Variants in RSPH14 observed in about 807,000 individuals in gnomAD.
RSPH14 encodes the protein rhabdoid tumor deletion region gene 1.
A neutral mutation model predicts 26.7 loss-of-function variants in RSPH14; 20 were observed. The ratio of observed to expected loss-of-function variants is 0.75; its 90% confidence interval spans 0.53 to 1.09. The LOEUF is 1.09. Ranked by LOEUF, RSPH14 falls within the 50% of genes least tolerant of loss-of-function variation. The pLI is 0.00. For synonymous variants in RSPH14, 177 were observed against 189.3 expected (o/e 0.93, Z 0.53); for missense variants, 449 against 457.2 (o/e 0.98, Z 0.16).
the RSPH14 span, chr22:23,153,686 T>TTA: frequency 1.7e-6 from 1 of 589,256 alleles, no homozygotes; most frequent in Non-Finnish European, 2.1e-6. Context: ...TTCCTTCCAC[T>TTA]TCTGTCTTTT....
the RSPH14 span, chr22:23,180,594 G>GGCGGCA: frequency 8.3e-6 from 1 of 120,026 alleles, no homozygotes; most frequent in Non-Finnish European, 1.5e-5. Context: ...GCGGCGGCAC[G>GGCGGCA]GCGGCGGCGG....
In RSPH14 at chr22:23,104,218, C is replaced by T. The variant is rs533339112; in HGVS notation, c.421+29808G>A. Among the ~76,000 whole-genome samples the T allele has an allele frequency of 3.9e-5, 6 of 152,238 alleles. No homozygotes were observed. The South Asian group carries it at 6.2e-4, about 16-fold the overall frequency. ...TGCAGCGGGATGACGGAGGACCAGG[C>T]GGTGTAAGGTCTAAGCAGGCAGGGC... On this transcript the variant is annotated intron_variant, in intron 4 of 6. Coordinates refer to ENST00000216036, the MANE Select transcript of RSPH14 (RefSeq NM_014433.3).
At chr22:23,099,406 C>G (rs1163683741) in intron 4 of RSPH14, among the ~76,000 whole-genome samples, 2 of 152,260 alleles carry the variant, frequency 1.3e-5, no homozygotes, top group African/African-American at 4.8e-5. Context: ...GTGTGTCAGG[C>G]ACCCCAGTGC....
chr22:23,064,929 G>A (rs970004840), intron 4 of RSPH14, among the ~76,000 whole-genome samples: 3 of 152,254 alleles, frequency 2.0e-5, no homozygotes, highest in East Asian at 3.9e-4. Flanking sequence ...AGCCCAGGAC[G>A]GTGGGCAGAA....
intron 4 of RSPH14, among the ~76,000 whole-genome samples, chr22:23,085,291 T>C (rs1185260432): frequency 1.3e-5 from 2 of 152,192 alleles, no homozygotes; most frequent in Non-Finnish European, 2.9e-5. Context: ...CCTTATGTGC[T>C]CACCATCTCC....
At chr22:23,152,651 C>T in the RSPH14 span, 2 of 922,042 alleles carry the variant, frequency 2.2e-6, no homozygotes, top group Non-Finnish European at 3.4e-6. Context: ...TGCTGTGCCT[C>T]AGCCTGCTGG....
chr22:23,140,769 C>A (rs1255838482), intron 1 of RSPH14, among the ~76,000 whole-genome samples: 3 of 152,198 alleles, frequency 2.0e-5, no homozygotes, highest in East Asian at 1.9e-4. Flanking sequence ...ACAAACCAAA[C>A]AAGCAAACTC....
At chr22:23,145,624 G>A, upstream of RSPH14, 2 of 1,473,438 alleles carry the variant, frequency 1.4e-6, no homozygotes, top group Admixed American at 2.0e-5. Context: ...CGAGGCCAGG[G>A]CCGCGAGGGC....
chr22:23,129,540 G>T (rs1217201192), intron 4 of RSPH14, among the ~76,000 whole-genome samples: 3 of 151,622 alleles, frequency 2.0e-5, no homozygotes, highest in Admixed American at 2.0e-4. Context: ...CATGAGTCAG[G>T]GTAAAGAAAG....
At chr22:23,177,454 G>A in the RSPH14 span, among the ~76,000 whole-genome samples, 2 of 152,138 alleles carry the variant, frequency 1.3e-5, no homozygotes, top group African/African-American at 4.8e-5. Flanking sequence ...GAGACATAGG[G>A]GAACAAGACA....
intron 3 of RSPH14, among the ~76,000 whole-genome samples, chr22:23,136,713 T>C (rs2146447212): frequency 7.2e-6 from 1 of 139,524 alleles, no homozygotes; most frequent in Middle Eastern, 3.7e-3. Flanking sequence ...TGATAATTGC[T>C]CAGGCTTCAG....
At chr22:23,105,648 C>A (rs1031698800) in intron 4 of RSPH14, among the ~76,000 whole-genome samples, 5 of 152,220 alleles carry the variant, frequency 3.3e-5, no homozygotes, top group African/African-American at 4.8e-5. Context: ...ACTGTGCTTT[C>A]TTCGCATGGT....
chr22:23,111,640 G>C (rs552965083), intron 4 of RSPH14, among the ~76,000 whole-genome samples: 15 of 152,240 alleles, frequency 9.9e-5, no homozygotes, highest in African/African-American at 3.6e-4. Context: ...CAGGAGCTGC[G>C]GCCCAGAGCA....
intron 4 of RSPH14, among the ~76,000 whole-genome samples, chr22:23,100,332 A>T (rs2069260639): frequency 6.6e-6 from 1 of 152,208 alleles, no homozygotes; most frequent in Admixed American, 6.5e-5. Flanking sequence ...TCTAGGACCC[A>T]CAGTAGTCAC....
chr22:23,110,524 A>C (rs921446165), intron 4 of RSPH14, among the ~76,000 whole-genome samples: 1 of 152,132 alleles, frequency 6.6e-6, no homozygotes, highest in African/African-American at 2.4e-5. Context: ...GTCCTTAAAG[A>C]GACAGAGGGA....
intron 4 of RSPH14, among the ~76,000 whole-genome samples, chr22:23,097,841 G>A (rs994293520): frequency 6.6e-6 from 1 of 152,226 alleles, no homozygotes; most frequent in African/African-American, 2.4e-5. Flanking sequence ...TGGTGGGTCT[G>A]CCAGTCACAC....
the RSPH14 span, among the ~76,000 whole-genome samples, chr22:23,169,154 C>T: frequency 3.1e-3 from 467 of 152,344 alleles, 2 homozygotes; most frequent in African/African-American, 0.011. Context: ...AGGTTCACAG[C>T]CCCAGTCACT....
In RSPH14 at chr22:23,091,778, G is replaced by A. The variant is rs190193159; in HGVS notation, c.422-27645C>T. Among the ~76,000 whole-genome samples the A allele has an allele frequency of 1.8e-4, 28 of 152,328 alleles. 1 individual carries two copies. In the East Asian group the frequency reaches 4.4e-3, roughly 24 times the overall value. ...ACACATGGCTTAAAACCTTTCAGTGGCGTCCTGTTTCTCTTCAGTGAAGAC... is the reference window on the plus strand; with the variant it reads ...ACACATGGCTTAAAACCTTTCAGTGACGTCCTGTTTCTCTTCAGTGAAGAC... On this transcript the variant is annotated intron_variant, in intron 4 of 6. Transcript: ENST00000216036.
chr22:23,070,966 C>T lies in RSPH14; in HGVS notation c.422-6833G>A, dbSNP rs567573867. 1.1e-4 allele frequency among the ~76,000 whole-genome samples: 17 copies of T among 152,186 alleles called. 1 individual carries two copies. The highest frequency in any genetic ancestry group is 9.1e-4 in the Admixed American group (14 of 15,306). Reference sequence around the variant, plus strand: ...CTGCGGGAGCGGCGCTGAGGCGGGTCTCCCTAGGGGGAGGATCAGGGAGGG... The same window carrying T: ...CTGCGGGAGCGGCGCTGAGGCGGGTTTCCCTAGGGGGAGGATCAGGGAGGG... On this transcript the variant is annotated intron_variant, in intron 4 of 6. Coordinates refer to ENST00000216036, the MANE Select transcript of RSPH14 (RefSeq NM_014433.3).
Sources: gnomAD v4.1 joint callset for allele counts (sites outside exome capture counted in the v4.1 genomes callset) on GRCh38, gnomAD v4.1.1 for gene constraint, MANE v1.5 for transcripts, NCBI Gene and HGNC (gene_info 2026-07-23, HGNC 2026-07-21) for gene names.